Variants in NRG1 observed in about 807,000 individuals in gnomAD.
NRG1 encodes neuregulin 1.
Under a neutral mutation model 63.8 loss-of-function variants are expected in NRG1, and 18 were observed. That is an observed-to-expected ratio of 0.28 (90% confidence interval 0.19 to 0.42). The LOEUF (loss-of-function observed/expected upper bound fraction) is 0.42. Among genes scored for constraint, NRG1 ranks in the 10% least tolerant of loss-of-function variants. The pLI is 1.00. For missense variants in NRG1, 762 were observed against 814.7 expected, an observed-to-expected ratio of 0.94 and a Z score of 0.79; for synonymous variants, 302 against 301.3, an observed-to-expected ratio of 1.00 and a Z score of -0.02.
rs574506532 is a variant in NRG1, at chr8:31,920,951, A to G, written c.37+281520A>G. ...ATAAAAACCTATACCTGAAAACATT[A>G]TTTTCATAATATTTCAAAAGCTTCT... On this transcript the variant is annotated intron_variant, in intron 1 of 10. Transcript: ENST00000519301. 5.3e-5 allele frequency among the ~76,000 whole-genome samples: 8 copies of G among 152,150 alleles called. No homozygotes were observed. The South Asian group carries it at 1.7e-3, about 32-fold the overall frequency.
intron 1 of NRG1, among the ~76,000 whole-genome samples, chr8:32,026,068 TTTTTC>T (rs1426935260): frequency 1.3e-5 from 1 of 75,416 alleles, no homozygotes; most frequent in Non-Finnish European, 2.4e-5. Flanking sequence ...ATACAATCTT[TTTTTC>T]TTTTTTTTTT....
At chr8:32,080,584 A>G (rs752718104) in intron 1 of NRG1, among the ~76,000 whole-genome samples, 1 of 152,110 alleles carries the variant, frequency 6.6e-6, no homozygotes, top group African/African-American at 2.4e-5. Flanking sequence ...GGCTCCTTCC[A>G]CTCTCAGAGC....
chr8:32,542,162 T>C (rs1000258008), intron 1 of NRG1, among the ~76,000 whole-genome samples: 7 of 152,124 alleles, frequency 4.6e-5, no homozygotes, highest in African/African-American at 1.7e-4. Context: ...ACAGGTGAAA[T>C]TTGCAGAGCA....
At chr8:32,174,703 T>C (rs1192070878) in intron 1 of NRG1, among the ~76,000 whole-genome samples, 1 of 151,914 alleles carries the variant, frequency 6.6e-6, no homozygotes, top group Non-Finnish European at 1.5e-5. Context: ...ACTATAAACA[T>C]CTCTACACAA....
chr8:32,356,150 A>G (rs1806357876), intron 1 of NRG1, among the ~76,000 whole-genome samples: 1 of 152,208 alleles, frequency 6.6e-6, no homozygotes, highest in African/African-American at 2.4e-5. Flanking sequence ...TACTTAAGAA[A>G]TGCTTGCTTG....
At chr8:32,063,706 A>G (rs1317493062) in intron 1 of NRG1, among the ~76,000 whole-genome samples, 1 of 152,182 alleles carries the variant, frequency 6.6e-6, no homozygotes, top group African/African-American at 2.4e-5. Context: ...TTTAAGATGG[A>G]GAGCATCCCA....
chr8:32,186,728 A>T (rs1262975012), intron 1 of NRG1, among the ~76,000 whole-genome samples: 2 of 152,156 alleles, frequency 1.3e-5, no homozygotes, highest in Non-Finnish European at 2.9e-5. Context: ...GGAGATTCAG[A>T]GGTACAGTAA....
chr8:31,830,156 A>C (rs1824966313), intron 1 of NRG1, among the ~76,000 whole-genome samples: 1 of 152,200 alleles, frequency 6.6e-6, no homozygotes, highest in Non-Finnish European at 1.5e-5. Context: ...ATGACAAATG[A>C]GTAGTTACCA....
At chr8:31,956,849 A>G (rs1053562547) in intron 1 of NRG1, among the ~76,000 whole-genome samples, 8 of 152,246 alleles carry the variant, frequency 5.3e-5, no homozygotes, top group African/African-American at 1.9e-4. Flanking sequence ...TAAAAGATGT[A>G]TAATAATCTG....
intron 1 of NRG1, among the ~76,000 whole-genome samples, chr8:32,259,701 T>C (rs1850145516): frequency 6.6e-6 from 1 of 152,144 alleles, no homozygotes; most frequent in Non-Finnish European, 1.5e-5. Context: ...ATCAGGGAAA[T>C]GTAAATAGAG....
rs143829221 is a variant in NRG1 at position 31,981,952 on chromosome 8, G to A, written c.37+342521G>A. ...GTACAGGAGTCATCTAATCAAAATG[G>A]TAGAGGTGGTGGGTGAGGAAGGATC... is the stretch of plus-strand genomic sequence containing the variant. On this transcript the variant is annotated intron_variant, in intron 1 of 10. Coordinates refer to the NRG1 transcript ENST00000519301. 6.9e-3 allele frequency among the ~76,000 whole-genome samples: 1,045 copies of A among 152,042 alleles called. 15 individuals carry two copies. The highest frequency in any genetic ancestry group is 0.024 in the African/African-American group (981 of 41,504).
intron 1 of NRG1, among the ~76,000 whole-genome samples, chr8:31,919,761 CAAAG>C: frequency 6.6e-6 from 1 of 152,004 alleles, no homozygotes; most frequent in East Asian, 1.9e-4. Context: ...TTCTTACTCT[CAAAG>C]AGCTTATAAT....
At chr8:31,750,768 G>A (rs888003962) in intron 1 of NRG1, among the ~76,000 whole-genome samples, 18 of 151,806 alleles carry the variant, frequency 1.2e-4, no homozygotes. Context: ...GTCTTTTCTT[G>A]GTCATGCAGT....
intron 1 of NRG1, among the ~76,000 whole-genome samples, chr8:31,811,953 AT>A (rs1822930529): frequency 1.3e-5 from 2 of 152,246 alleles, no homozygotes; most frequent in South Asian, 4.1e-4. Flanking sequence ...CCCTACAGCA[AT>A]TTCTCTAAGC....
chr8:32,244,015 G>T (rs977745160), intron 1 of NRG1, among the ~76,000 whole-genome samples: 2 of 152,126 alleles, frequency 1.3e-5, no homozygotes, highest in African/African-American at 4.8e-5. Flanking sequence ...TGTTATAGCT[G>T]CCTGAGCTGA....
At chr8:32,447,635 G>C (rs2129487866) in intron 1 of NRG1, among the ~76,000 whole-genome samples, 1 of 152,264 alleles carries the variant, frequency 6.6e-6, no homozygotes, top group South Asian at 2.1e-4. Flanking sequence ...TTGGGAAGTT[G>C]AGGAGAGAGG....
intron 1 of NRG1, among the ~76,000 whole-genome samples, chr8:31,927,728 G>A (rs1291432396): frequency 3.3e-5 from 5 of 150,304 alleles, no homozygotes; most frequent in East Asian, 1.9e-4. Context: ...GATTACAGGC[G>A]TGAGCCACCG....
At chr8:31,920,106 T>C (rs1719465828) in intron 1 of NRG1, among the ~76,000 whole-genome samples, 1 of 152,094 alleles carries the variant, frequency 6.6e-6, no homozygotes, top group African/African-American at 2.4e-5. Context: ...AATAAGAATA[T>C]TTCAGTAATC....
At chr8:32,419,369 T>C (rs1433771955) in intron 1 of NRG1, among the ~76,000 whole-genome samples, 1 of 152,184 alleles carries the variant, frequency 6.6e-6, no homozygotes, top group Non-Finnish European at 1.5e-5. Context: ...CAGTGATCTC[T>C]GGATGGTGAA....
Sources: gnomAD v4.1 joint callset for allele counts (sites outside exome capture counted in the v4.1 genomes callset) on GRCh38, gnomAD v4.1.1 for gene constraint, MANE v1.5 for transcripts, NCBI Gene and HGNC (gene_info 2026-07-23, HGNC 2026-07-21) for gene names.